The following NUP160 variants were observed in gnomAD, a reference collection of about 807,000 sequenced individuals.
NUP160 encodes nuclear pore complex protein Nup160.
Under a neutral mutation model 196.9 loss-of-function variants are expected in NUP160, and 94 were observed. That is an observed-to-expected ratio of 0.48 (90% CI 0.40 to 0.57). NUP160 has a LOEUF of 0.57. Ranked by LOEUF, NUP160 falls within the 20% of genes least tolerant of loss-of-function variation. The pLI, the probability that NUP160 is intolerant of heterozygous loss-of-function variation, is 0.00. For synonymous variants in NUP160, 605 were observed against 619.7 expected, an observed-to-expected ratio of 0.98 and a Z score of 0.35; for missense variants, 1,638 against 1,748.3, an observed-to-expected ratio of 0.94 and a Z score of 1.13.
At chr11:47,781,010 A>G (rs922736320) in intron 34 of NUP160, among the ~76,000 whole-genome samples, 4 of 151,322 alleles carry the variant, frequency 2.6e-5, no homozygotes, top group Non-Finnish European at 4.4e-5. Flanking sequence ...GCGGATCACA[A>G]GGTCAGGAGT....
chr11:47,838,408 C>A, intron 4 of NUP160, among the ~76,000 whole-genome samples: 1 of 152,142 alleles, frequency 6.6e-6, no homozygotes, highest in Admixed American at 6.5e-5. Context: ...ATATTTGAAT[C>A]CCACCTTGGG....
At chr11:47,840,022 A>G in exon 4 of NUP160, 2 of 1,614,116 alleles carry the variant, frequency 1.2e-6, no homozygotes, top group Admixed American at 1.7e-5. Context: ...AACTTTTCCA[A>G]TGTCAGTGAA....
At chr11:47,806,790 TACACACACACACACACACAC>T (rs57141346) in intron 19 of NUP160, among the ~76,000 whole-genome samples, 5,640 of 111,832 alleles carry the variant, frequency 0.05, 186 homozygotes, top group Admixed American at 0.09. Context: ...AAAGCAGCTA[TACACACACACACACACACAC>T]ACACACACAC....
At chr11:47,781,595 A>G (rs1269214471) in intron 34 of NUP160, among the ~76,000 whole-genome samples, 1 of 152,100 alleles carries the variant, frequency 6.6e-6, no homozygotes, top group Non-Finnish European at 1.5e-5. Flanking sequence ...GTAGTTAACT[A>G]CACCTATTTA....
intron 11 of NUP160, among the ~76,000 whole-genome samples, 175 bp from the exon 12 acceptor site, chr11:47,816,204 G>A (rs1185947409): frequency 6.6e-6 from 1 of 152,176 alleles, no homozygotes; most frequent in Non-Finnish European, 1.5e-5. Context: ...CTGGAGAAAG[G>A]TGACCTGGAA....
chr11:47,825,826 T>G (rs1851955565), intron 7 of NUP160, among the ~76,000 whole-genome samples: 1 of 152,060 alleles, frequency 6.6e-6, no homozygotes, highest in African/African-American at 2.4e-5. Flanking sequence ...TCAGGTGATC[T>G]GCCCACCTCG....
At chr11:47,833,890 GGA>G (rs1852121714) in intron 7 of NUP160, among the ~76,000 whole-genome samples, 1 of 152,142 alleles carries the variant, frequency 6.6e-6, no homozygotes, top group South Asian at 2.1e-4. Context: ...TACTGGGAGG[GGA>G]CTCTTAGACG....
At chr11:47,808,498 G>A in exon 18 of NUP160, 2 of 1,613,928 alleles carry the variant, frequency 1.2e-6, no homozygotes, top group South Asian at 2.2e-5. Flanking sequence ...GTCTTGCTGA[G>A]CTTGAAAGAG....
chr11:47,792,391 T>G (rs1565189138), intron 28 of NUP160: 1 of 219,568 alleles, frequency 4.6e-6, no homozygotes. Context: ...CAGCTACCAT[T>G]TACTGAGCAC....
At chr11:47,782,860 T>C (rs1410757626) in intron 34 of NUP160, among the ~76,000 whole-genome samples, 1 of 152,194 alleles carries the variant, frequency 6.6e-6, no homozygotes, top group Non-Finnish European at 1.5e-5. Context: ...GGCTTTGCCA[T>C]GTTGGCCAAA....
intron 20 of NUP160, 103 bp from the exon 21 acceptor site, chr11:47,804,721 TAAAC>T: frequency 1.4e-6 from 1 of 726,742 alleles, no homozygotes; most frequent in East Asian, 3.0e-5. Context: ...TTAATTTACA[TAAAC>T]AAGGCAGAGA....
At chr11:47,792,144 T>C (rs866495305) in intron 28 of NUP160, 154 bp from the exon 29 acceptor site, 1 of 567,830 alleles carries the variant, frequency 1.8e-6, no homozygotes, top group South Asian at 2.6e-5. Context: ...ACTGTAACTA[T>C]GAGACAAAGA....
rs534382243 is a variant in NUP160, at chr11:47,787,120, C to G, written c.3747-566G>C. 35 of 140,542 alleles carry G rather than the reference C, an allele frequency of 2.5e-4. 1 individual carries two copies. Among genetic ancestry groups the G allele is most frequent in the African/African-American group, 8.8e-4 (34 of 38,448 alleles). 8.7% of individuals were successfully genotyped at this position (140,542 alleles called of 1,614,324 possible). A position where few individuals can be genotyped will look rare whatever the true frequency, so the allele number is the denominator to read the frequency against. On this transcript the variant is annotated intron_variant, in intron 31 of 35. Transcript: ENST00000378460. ...TTTTTTAAATTAAGATGGAGTCTCG[C>G]TCTGTTGCCCAGGCTGGAGTGCAGT...
At chr11:47,828,907 C>T (rs1241272159) in intron 7 of NUP160, among the ~76,000 whole-genome samples, 1 of 151,780 alleles carries the variant, frequency 6.6e-6, no homozygotes, top group Non-Finnish European at 1.5e-5. Flanking sequence ...AAGTTGAATG[C>T]TTACCTCACA....
Position 47,788,178 on chromosome 11 carries a change from A to T in NUP160, c.3746+4T>A. On this transcript the variant is annotated splice_donor_region_variant and intron_variant, in intron 31 of 35. Coordinates refer to ENST00000378460, the Ensembl canonical transcript of NUP160. ...AGACTATAAAAAAATAATTTTATAC[A>T]TACTTGAAGGCAAGCCCTTCAAAGA... 1 of 1,606,374 alleles carries T rather than the reference A, an allele frequency of 6.2e-7. No individual in the cohort carries two copies. Among genetic ancestry groups the T allele is most frequent in the Non-Finnish European group, 8.5e-7 (1 of 1,176,274 alleles).
chr11:47,834,258 T>C (rs1258397460), intron 7 of NUP160, among the ~76,000 whole-genome samples: 1 of 152,160 alleles, frequency 6.6e-6, no homozygotes, highest in African/African-American at 2.4e-5. Flanking sequence ...GACAAACTAA[T>C]TGTAACATGT....
rs2135375435 is a variant in NUP160, at chr11:47,812,418, A to C, written c.1964T>G (p.Met655Arg). 8.1e-6 allele frequency: 13 copies of C among 1,613,090 alleles called. No homozygotes were observed. The highest frequency in any genetic ancestry group is 1.1e-5 in the Non-Finnish European group (13 of 1,179,746). Reference sequence around the variant, plus strand: ...TTGCAGTTTACTACAAATATCCTCCATCACATTTTCTCTATAAGGACAATT... The same window carrying C: ...TTGCAGTTTACTACAAATATCCTCCCTCACATTTTCTCTATAAGGACAATT... Residue 655 changes from methionine (M) to arginine (R), a missense_variant, in exon 16 of 36, where the codon ATG becomes AGG. Transcript: ENST00000378460.
At chr11:47,784,819 G>T in intron 33 of NUP160, 103 bp downstream of exon 33, 1 of 877,848 alleles carries the variant, frequency 1.1e-6, no homozygotes, top group Non-Finnish European at 1.6e-6. Flanking sequence ...GGGCATGACA[G>T]GTATGAGCCA....
intron 2 of NUP160, chr11:47,841,699 G>GTTT: frequency 1.1e-5 from 3 of 279,308 alleles, no homozygotes; most frequent in Non-Finnish European, 2.1e-5. Flanking sequence ...TTGTTTGTTT[G>GTTT]TTTTTTTTTT....
Sources: gnomAD v4.1 joint callset for allele counts (sites outside exome capture counted in the v4.1 genomes callset) on GRCh38, gnomAD v4.1.1 for gene constraint, MANE v1.5 for transcripts, NCBI Gene and HGNC (gene_info 2026-07-23, HGNC 2026-07-21) for gene names.